The following MINDY3 variants were observed in gnomAD, a reference collection of about 807,000 sequenced individuals.
The protein encoded by MINDY3 is MINDY lysine 48 deubiquitinase 3, also known as ubiquitin carboxyl-terminal hydrolase MINDY-3.
A neutral mutation model predicts 69.2 loss-of-function variants in MINDY3; 38 were observed. The ratio of observed to expected loss-of-function variants is 0.55; its 90% CI spans 0.42 to 0.72. The LOEUF is 0.72. Among genes scored for constraint, MINDY3 ranks in the 30% least tolerant of loss-of-function variants. The pLI is 0.00. For synonymous variants in MINDY3, 192 were observed against 180.1 expected (o/e 1.07, Z -0.53); for missense variants, 522 against 519.0 (o/e 1.01, Z -0.06).
At chr10:15,816,779 A>T in intron 10 of MINDY3, 56 bp downstream of exon 10, 1 of 1,185,806 alleles carries the variant, frequency 8.4e-7, no homozygotes, top group Non-Finnish European at 1.3e-6. Context: ...ATATGAACTT[A>T]TAATACTTGT....
At chr10:15,817,048 C>T (rs1839423629) in intron 9 of MINDY3, 133 bp from the exon 10 acceptor site, 1 of 674,826 alleles carries the variant, frequency 1.5e-6, no homozygotes, top group Admixed American at 2.6e-5. Flanking sequence ...TGCCCGAGCA[C>T]TTCACCCATA....
chr10:15,856,140 A>G (rs1330559604), intron 1 of MINDY3, among the ~76,000 whole-genome samples: 1 of 152,074 alleles, frequency 6.6e-6, no homozygotes, highest in Non-Finnish European at 1.5e-5. Context: ...CTTTGGAAGA[A>G]AAATTAATGA....
chr10:15,795,286 G>A (rs1355250548), intron 11 of MINDY3, among the ~76,000 whole-genome samples: 1 of 152,060 alleles, frequency 6.6e-6, no homozygotes, highest in Non-Finnish European at 1.5e-5. Flanking sequence ...TTATCTGCTA[G>A]TAAGTGGTAA....
chr10:15,860,104 G>A, intron 1 of MINDY3, 102 bp downstream of exon 1: 2 of 857,264 alleles, frequency 2.3e-6, no homozygotes, highest in Non-Finnish European at 3.8e-6. Context: ...GACTGGGGCA[G>A]AGAGCGGGGC....
chr10:15,796,476 G>GAAAA (rs746694573), intron 10 of MINDY3, among the ~76,000 whole-genome samples: 1,945 of 138,238 alleles, frequency 0.014, 42 homozygotes, highest in African/African-American at 0.048. Flanking sequence ...AATGTAGCAT[G>GAAAA]AAAAAAAAAA....
rs74666225 is a variant in MINDY3, at chr10:15,804,775, T to C, written c.883-8603A>G. 1.8e-4 allele frequency among the ~76,000 whole-genome samples: 27 copies of C among 152,270 alleles called. No individual in the cohort carries two copies. The East Asian group carries it at 5.0e-3, about 28-fold the overall frequency. ...AATAGATTTTAAGTCAATTACATCATCTCAAAACACAGAACGTCATTAGTG... is the reference window on the plus strand; with the variant it reads ...AATAGATTTTAAGTCAATTACATCACCTCAAAACACAGAACGTCATTAGTG... On this transcript the variant is annotated intron_variant, in intron 10 of 14. Coordinates refer to ENST00000277632, the MANE Select transcript of MINDY3 (RefSeq NM_024948.4).
intron 13 of MINDY3, among the ~76,000 whole-genome samples, chr10:15,785,248 A>G (rs1836865588): frequency 6.6e-6 from 1 of 152,158 alleles, no homozygotes; most frequent in South Asian, 2.1e-4. Context: ...ACAAGTAAAC[A>G]GTGAGAGAGG....
chr10:15,782,162 T>C lies in MINDY3; in HGVS notation c.1181A>G (p.Asn394Ser). The C allele has an allele frequency of 1.2e-6, 2 of 1,607,832 alleles. No homozygotes were observed. Among genetic ancestry groups the C allele is most frequent in the Admixed American group, 1.7e-5 (1 of 59,600 alleles). ...CTACGTGAATTATCATACCTTTTCA[T>C]TATAATTTGACTGCTTCAATCCATT... ...HYNGLKQSNY[N>S]EKVMYVEGTA... is the part of the protein sequence containing the mutation. Residue 394 changes from asparagine to serine, a missense_variant, in exon 14 of 15, where the codon AAT (asparagine) becomes AGT (serine). Asn to Ser is a conservative substitution (Grantham distance 46). Coordinates refer to ENST00000277632, the MANE Select transcript of MINDY3 (RefSeq NM_024948.4).
chr10:15,829,571 A>C (rs1327704221), intron 8 of MINDY3, among the ~76,000 whole-genome samples: 2 of 152,232 alleles, frequency 1.3e-5, no homozygotes, highest in Admixed American at 1.3e-4. Context: ...TTGAATGCTA[A>C]GAAGCTGAAA....
intron 10 of MINDY3, among the ~76,000 whole-genome samples, chr10:15,803,893 C>G (rs904350998): frequency 2.6e-5 from 4 of 152,064 alleles, no homozygotes; most frequent in African/African-American, 4.8e-5. Flanking sequence ...TCAGCAAATA[C>G]ACTTGCATTT....
rs1836593677 is a variant in MINDY3, at chr10:15,782,171, G to C, written c.1172C>G (p.Ser391Ter). 6.2e-7 allele frequency: 1 copy of C among 1,609,654 alleles called. No individual in the cohort carries two copies. ...TVYHYNGLKQ[S>*]NYNEKVMYVE... ...TTATCATACCTTTTCATTATAATTTGACTGCTTCAATCCATTGTAGTGGTA... is the reference window on the plus strand; with the variant it reads ...TTATCATACCTTTTCATTATAATTTCACTGCTTCAATCCATTGTAGTGGTA... The change falls in exon 14 of 15, where the codon TCA (serine) becomes TGA (stop). Residue 391 changes from serine (S) to a stop codon, truncating the protein, a stop_gained. Transcript: ENST00000277632. LOFTEE classifies it high-confidence loss of function.
rs1045243925 is a variant in MINDY3, at chr10:15,778,929, C to A, written c.*63G>T. 4.8e-6 allele frequency: 7 copies of A among 1,463,038 alleles called. No homozygotes were observed. The highest frequency in any genetic ancestry group is 6.6e-6 in the Non-Finnish European group (7 of 1,067,756). The allele number at this position is 1,463,038 out of a possible 1,614,324, so 90.6% of individuals were successfully genotyped here. ...GTGTTTAGCTTAATCCAGCCAATTG[C>A]CAGTCTTGACTCCTTCTTTCAACAT... On this transcript the variant is annotated 3_prime_UTR_variant, in exon 15 of 15. Transcript: ENST00000277632.
At chr10:15,828,740 A>G (rs1007309637) in intron 8 of MINDY3, among the ~76,000 whole-genome samples, 3 of 152,228 alleles carry the variant, frequency 2.0e-5, no homozygotes, top group Admixed American at 2.0e-4. Flanking sequence ...ACTGTTTACC[A>G]TAAGGAAACT....
chr10:15,850,870 G>C (rs1172406085), intron 1 of MINDY3, among the ~76,000 whole-genome samples: 1 of 151,996 alleles, frequency 6.6e-6, no homozygotes, highest in Non-Finnish European at 1.5e-5. Flanking sequence ...GTCTCCCCCC[G>C]ACACCCAGCT....
chr10:15,798,711 C>T lies in MINDY3; in HGVS notation c.883-2539G>A, dbSNP rs554541622. Among the ~76,000 whole-genome samples, 527 of 152,070 alleles carry T rather than the reference C, an allele frequency of 3.5e-3. 2 individuals are homozygous for T. The highest frequency in any genetic ancestry group is 0.016 in the South Asian group (79 of 4,800). On this transcript the variant is annotated intron_variant, in intron 10 of 14. Transcript: ENST00000277632. ...AGGAAAATCATTTGAACCTGTGAGGCGGAGGTTGCAGTGAACCAAGATCAT... is the reference window on the plus strand; with the variant it reads ...AGGAAAATCATTTGAACCTGTGAGGTGGAGGTTGCAGTGAACCAAGATCAT...
intron 10 of MINDY3, among the ~76,000 whole-genome samples, chr10:15,806,059 T>C (rs991050187): frequency 1.3e-5 from 2 of 152,146 alleles, no homozygotes; most frequent in Admixed American, 1.3e-4. Flanking sequence ...ACCCACAGGA[T>C]GGGCTGTTCT....
intron 2 of MINDY3, among the ~76,000 whole-genome samples, chr10:15,844,031 A>G (rs1833664889): frequency 6.6e-6 from 1 of 152,158 alleles, no homozygotes. Context: ...GTATTAGTGT[A>G]CAGATTAGGA....
Position 15,835,698 on chromosome 10 carries a change from A to G in MINDY3, c.577-1082T>C, listed in dbSNP as rs965823492. Among the ~76,000 whole-genome samples, 13 of 152,248 alleles carry G rather than the reference A, an allele frequency of 8.5e-5. No homozygotes were observed. The South Asian group carries it at 1.9e-3, about 22-fold the overall frequency. On this transcript the variant is annotated intron_variant, in intron 6 of 14. Coordinates refer to ENST00000277632, the MANE Select transcript of MINDY3 (RefSeq NM_024948.4). Reference sequence around the variant, plus strand: ...AATACTGAACAGTCAAGAAGAGCTTATAAGAAACCAGTCATCTTAGATACC... The same window carrying G: ...AATACTGAACAGTCAAGAAGAGCTTGTAAGAAACCAGTCATCTTAGATACC...
intron 8 of MINDY3, among the ~76,000 whole-genome samples, chr10:15,829,097 A>G (rs1840284572): frequency 1.3e-5 from 2 of 152,224 alleles, no homozygotes. Flanking sequence ...ACATGTACAC[A>G]AAGAACTATG....
Sources: allele counts gnomAD v4.1 joint callset (sites outside exome capture counted in the v4.1 genomes callset), GRCh38; gene constraint gnomAD v4.1.1; transcripts MANE v1.5; gene names NCBI Gene and HGNC (gene_info 2026-07-23, HGNC 2026-07-21).